The following RTKN2 variants were observed in gnomAD, a reference collection of about 807,000 sequenced individuals.
RTKN2 encodes rhotekin 2, also known as rhotekin-2.
Under a neutral mutation model 71.5 loss-of-function variants are expected in RTKN2, and 69 were observed. The observed-to-expected ratio is 0.96, with a 90% confidence interval of 0.79 to 1.18. The LOEUF is 1.18. RTKN2 is among the 50% of genes most tolerant of loss of function. The pLI is 0.00. For synonymous variants in RTKN2, 236 were observed against 236.5 expected (o/e 1.00, Z 0.02); for missense variants, 724 against 719.7 (o/e 1.01, Z -0.07).
At position 62,268,583 on chromosome 10, in the gene RTKN2, C is replaced by A. The variant is rs375788383; in HGVS notation, c.28G>T (p.Ala10Ser). 58 of 1,565,552 alleles carry A rather than the reference C, an allele frequency of 3.7e-5. No homozygotes were observed. Among genetic ancestry groups the A allele is most frequent in the Non-Finnish European group, 5.0e-5 (58 of 1,154,904 alleles). Residue 10 changes from alanine (A) to serine (S), a missense_variant, in exon 1 of 12, where the codon GCG (alanine) becomes TCG (serine). Ala to Ser is a moderately conservative substitution (Grantham distance 99, BLOSUM62 1). Coordinates refer to ENST00000373789, the MANE Select transcript of RTKN2 (RefSeq NM_145307.4). Reference sequence around the variant, plus strand: ...GTGGGAAGCCCCGCCAGGCGGAGCGCAGGACCCCTCAGGCTCGGCCCCTCC... The same window carrying A: ...GTGGGAAGCCCCGCCAGGCGGAGCGAAGGACCCCTCAGGCTCGGCCCCTCC... Reference protein sequence around the residue: MEGPSLRGPALRLAGLPTQQ... With the variant: MEGPSLRGPSLRLAGLPTQQ...
At chr10:62,268,476 T>G in intron 1 of RTKN2, 75 bp downstream of exon 1, 1 of 1,395,462 alleles carries the variant, frequency 7.2e-7, no homozygotes, top group Non-Finnish European at 9.9e-7. Context: ...TCCCGACTCC[T>G]CCACAAAGCA....
At chr10:62,216,384 T>G (rs1382338980) in intron 9 of RTKN2, among the ~76,000 whole-genome samples, 1 of 152,020 alleles carries the variant, frequency 6.6e-6, no homozygotes, top group Non-Finnish European at 1.5e-5. Flanking sequence ...ATGCAATTAT[T>G]TTAGAGTAGG....
At chr10:62,254,107 T>C (rs1842630636) in intron 2 of RTKN2, among the ~76,000 whole-genome samples, 1 of 152,202 alleles carries the variant, frequency 6.6e-6, no homozygotes, top group African/African-American at 2.4e-5. Context: ...AGTCTGTTTA[T>C]GATTTAATAA....
chr10:62,221,904 A>G (rs899426305), intron 7 of RTKN2, among the ~76,000 whole-genome samples: 1 of 152,212 alleles, frequency 6.6e-6, no homozygotes, highest in Non-Finnish European at 1.5e-5. Context: ...ACATTATAGA[A>G]AATTTAATGC....
In RTKN2 at chr10:62,199,771, G is replaced by A. The variant is rs1841401391; in HGVS notation, c.1277C>T (p.Ser426Leu). 5 of 1,609,696 alleles carry A rather than the reference G, an allele frequency of 3.1e-6. No individual in the cohort carries two copies. The highest frequency in any genetic ancestry group is 3.4e-6 in the Non-Finnish European group (4 of 1,176,294). The change falls in exon 11 of 12, where the codon TCA becomes TTA. Residue 426 changes from serine (S) to leucine (L), a missense_variant. Coordinates refer to ENST00000373789, the MANE Select transcript of RTKN2 (RefSeq NM_145307.4). ...CCACTTACTCATATCATGGTAGACT[G>A]AGGTTGCCTCTTTTGTCAAGAACAA... ...PPLFLTKEAT[S>L]VYHDMSIDSP...
At chr10:62,253,951 A>G (rs1842627063) in intron 2 of RTKN2, among the ~76,000 whole-genome samples, 1 of 152,006 alleles carries the variant, frequency 6.6e-6, no homozygotes, top group Non-Finnish European at 1.5e-5. Context: ...CCTACAGTGG[A>G]AAAAAAAGTC....
At chr10:62,198,498 T>G (rs1841378196) in intron 11 of RTKN2, 55 bp from the exon 12 acceptor site, 1 of 1,247,198 alleles carries the variant, frequency 8.0e-7, no homozygotes, top group African/African-American at 1.5e-5. Flanking sequence ...AGTATGTACT[T>G]TATCTAAATA....
Position 62,195,003 on chromosome 10 carries a change from T to C in RTKN2, c.*2905A>G. ...GATATTTTTGAAAGACTATTTACCT[T>C]AGGAGGTGTGCATTTAGAATTTTAA... is the stretch of plus-strand genomic sequence containing the variant. On this transcript the variant is annotated 3_prime_UTR_variant, in exon 12 of 12. Transcript: ENST00000373789. 1.0e-6 allele frequency: 1 copy of C among 985,314 alleles called. No individual in the cohort carries two copies. The highest frequency in any genetic ancestry group is 4.7e-5 in the South Asian group (1 of 21,290). 61.0% of individuals were successfully genotyped at this position (985,314 alleles called of 1,614,324 possible).
intron 6 of RTKN2, among the ~76,000 whole-genome samples, chr10:62,228,267 A>G (rs766956519): frequency 3.9e-5 from 6 of 152,248 alleles, no homozygotes; most frequent in Admixed American, 6.5e-5. Flanking sequence ...CAATGAATAA[A>G]TGGTTACTGA....
At chr10:62,190,753 G>A (rs369505469), downstream of RTKN2, among the ~76,000 whole-genome samples, 43 of 152,088 alleles carry the variant, frequency 2.8e-4, no homozygotes, top group African/African-American at 8.9e-4. Context: ...TCCTAACTCC[G>A]TCAGCTCTAG....
chr10:62,251,903 A>G (rs1428649249), intron 2 of RTKN2, among the ~76,000 whole-genome samples: 2 of 152,088 alleles, frequency 1.3e-5, no homozygotes, highest in Non-Finnish European at 2.9e-5. Flanking sequence ...AAAGTACACA[A>G]AGAGACATAG....
At chr10:62,189,239 C>T (rs763556666), downstream of RTKN2, among the ~76,000 whole-genome samples, 2 of 152,068 alleles carry the variant, frequency 1.3e-5, no homozygotes, top group Non-Finnish European at 2.9e-5. Flanking sequence ...TCCCACCAAA[C>T]ACAAGCAGCA....
intron 6 of RTKN2, among the ~76,000 whole-genome samples, chr10:62,224,427 T>G (rs967451818): frequency 6.6e-6 from 1 of 152,190 alleles, no homozygotes; most frequent in African/African-American, 2.4e-5. Context: ...AATAAAAATC[T>G]GCAAATTATT....
intron 1 of RTKN2, among the ~76,000 whole-genome samples, chr10:62,265,998 T>C (rs1178535686): frequency 6.6e-6 from 1 of 152,200 alleles, no homozygotes. Context: ...CTTTTAGGAT[T>C]GTTTGAATGC....
At position 62,194,537 on chromosome 10, in the gene RTKN2, T is replaced by G. The variant is rs1841284689; in HGVS notation, c.*3371A>C. On this transcript the variant is annotated 3_prime_UTR_variant, in exon 12 of 12. Coordinates refer to ENST00000373789, the MANE Select transcript of RTKN2 (RefSeq NM_145307.4). The stretch of plus-strand genomic sequence containing the variant: ...AAATTCAGACCACAGGGACAGATAT[T>G]TTTCTTGCAGAGCAGTTCTTGCTCA... 1 of 985,118 alleles carries G rather than the reference T, an allele frequency of 1.0e-6. No homozygotes were observed. The highest frequency in any genetic ancestry group is 1.2e-6 in the Non-Finnish European group (1 of 829,748). 61.0% of individuals were successfully genotyped at this position (985,118 alleles called of 1,614,324 possible).
At chr10:62,189,081 A>G (rs1841180921), downstream of RTKN2, among the ~76,000 whole-genome samples, 1 of 132,166 alleles carries the variant, frequency 7.6e-6, no homozygotes, top group Non-Finnish European at 1.6e-5. Context: ...TTTTTTAACT[A>G]CACTTGTTAT....
chr10:62,248,513 A>G (rs567517708), intron 2 of RTKN2, among the ~76,000 whole-genome samples: 226 of 152,256 alleles, frequency 1.5e-3, no homozygotes, highest in Non-Finnish European at 2.6e-3. Context: ...AGCCTGAGGA[A>G]ATAGCAAATA....
intron 3 of RTKN2, among the ~76,000 whole-genome samples, chr10:62,243,195 C>T (rs1842415450): frequency 7.1e-6 from 1 of 140,850 alleles, no homozygotes. Context: ...CATGTGTTCT[C>T]ATTGCTCAAT....
intron 10 of RTKN2, 147 bp downstream of exon 10, chr10:62,204,710 C>T: frequency 2.0e-6 from 1 of 499,130 alleles, no homozygotes; most frequent in Non-Finnish European, 3.4e-6. Flanking sequence ...CAGAAAGAAG[C>T]ATCAGTGCAT....
Sources: allele counts gnomAD v4.1 joint callset (sites outside exome capture counted in the v4.1 genomes callset), GRCh38; gene constraint gnomAD v4.1.1; transcripts MANE v1.5; gene names NCBI Gene and HGNC (gene_info 2026-07-23, HGNC 2026-07-21).